The following ACSL5 variants were observed in gnomAD, a reference collection of about 807,000 sequenced individuals.
ACSL5 encodes long-chain-fatty-acid--CoA ligase 5.
Under a neutral mutation model 84.9 loss-of-function variants are expected in ACSL5, and 50 were observed. The observed-to-expected ratio is 0.59, with a 90% CI of 0.47 to 0.75. ACSL5 has a LOEUF of 0.75. ACSL5 is among the 30% of genes least tolerant of loss of function. The probability of loss-of-function intolerance (pLI) is 0.00; values close to 1 mark genes in which losing one functional copy is unlikely to be tolerated. For missense variants in ACSL5, 775 were observed against 830.4 expected (o/e 0.93, Z 0.82); for synonymous variants, 280 against 300.7 (o/e 0.93, Z 0.71).
intron 3 of ACSL5, among the ~76,000 whole-genome samples, chr10:112,403,325 T>C (rs564161496): frequency 2.0e-4 from 31 of 152,270 alleles, no homozygotes; most frequent in Non-Finnish European, 3.4e-4. Context: ...TTTGCTCTTG[T>C]TGCCCAGGCT....
At chr10:112,394,810 G>C in intron 1 of ACSL5, 108 bp from the exon 2 acceptor site, 1 of 1,468,314 alleles carries the variant, frequency 6.8e-7, no homozygotes, top group Non-Finnish European at 9.1e-7. Context: ...GCGTGCGCGC[G>C]TGTGTGTGTG....
rs536248129 is a variant in ACSL5 at position 112,383,004 on chromosome 10, C to T, written c.-30+8735C>T. On this transcript the variant is annotated intron_variant, in intron 1 of 20. Transcript: ENST00000354655. Reference sequence around the variant, plus strand: ...ACCTTCCCCACTGGGTGCCATGGCTCATGCCTGTAATCCCAGAACTTTAGG... The same window carrying T: ...ACCTTCCCCACTGGGTGCCATGGCTTATGCCTGTAATCCCAGAACTTTAGG... Among the ~76,000 whole-genome samples the T allele has an allele frequency of 4.6e-5, 7 of 152,324 alleles. 1 individual carries two copies. The highest frequency in any genetic ancestry group is 3.9e-4 in the Admixed American group (6 of 15,308).
At chr10:112,415,737 T>TA (rs1434043747) in intron 12 of ACSL5, among the ~76,000 whole-genome samples, 5 of 152,348 alleles carry the variant, frequency 3.3e-5, no homozygotes, top group African/African-American at 7.2e-5. Context: ...AAAATGGGGT[T>TA]ATAAACATGG....
chr10:112,426,523 C>G (rs1844723631), intron 19 of ACSL5, 164 bp downstream of exon 19: 2 of 635,018 alleles, frequency 3.1e-6, no homozygotes, highest in Non-Finnish European at 5.5e-6. Context: ...ATAAAACTCT[C>G]TTTTCTATTT....
Position 112,390,655 on chromosome 10 carries a change from AATAGATAGATAGATAG to A in ACSL5, c.-29-4233_-29-4218del, listed in dbSNP as rs56390024. On this transcript the variant is annotated intron_variant, in intron 1 of 20. Coordinates refer to ENST00000354655, the MANE Select transcript of ACSL5 (RefSeq NM_203379.2). ...ATATTCATCAACTGGTAGATAGATA[AATAGATAGATAGATAG>A]ATAGATAGATAGATAGATAGATAGA... 1.1e-3 allele frequency among the ~76,000 whole-genome samples: 159 copies of A among 149,570 alleles called. 1 individual carries two copies. The highest frequency in any genetic ancestry group is 2.6e-3 in the South Asian group (12 of 4,684).
rs140719406 is a variant in ACSL5, at chr10:112,399,405, C to G, written c.265+396C>G. Among the ~76,000 whole-genome samples, 453 of 152,252 alleles carry G rather than the reference C, an allele frequency of 3.0e-3. 1 individual carries two copies. The highest frequency in any genetic ancestry group is 0.024 in the Middle Eastern group (7 of 294). ...AAACATGCCTTTCATTAATGTAATT[C>G]CCTGCATTTACAGATAGACAATCTG... is the stretch of plus-strand genomic sequence containing the variant. On this transcript the variant is annotated intron_variant, in intron 3 of 20. Coordinates refer to ENST00000354655, the MANE Select transcript of ACSL5 (RefSeq NM_203379.2).
At chr10:112,422,864 A>G (rs1180382771) in intron 17 of ACSL5, among the ~76,000 whole-genome samples, 1 of 148,262 alleles carries the variant, frequency 6.7e-6, no homozygotes, top group Non-Finnish European at 1.5e-5. Flanking sequence ...AAAAAAAAAA[A>G]AAAGAACATA....
At chr10:112,380,818 G>C (rs1009933670) in intron 1 of ACSL5, among the ~76,000 whole-genome samples, 23 of 152,104 alleles carry the variant, frequency 1.5e-4, no homozygotes, top group Admixed American at 1.4e-3. Flanking sequence ...TGCACATCCA[G>C]GCTCCCAGGC....
chr10:112,401,002 C>T (rs1036686677), intron 3 of ACSL5, among the ~76,000 whole-genome samples: 4 of 151,944 alleles, frequency 2.6e-5, no homozygotes, highest in African/African-American at 9.7e-5. Context: ...AAACCAATAC[C>T]GTTGAAATAG....
intron 10 of ACSL5, 82 bp downstream of exon 10, chr10:112,411,611 GAC>G (rs931466410): frequency 1.2e-3 from 1,328 of 1,148,530 alleles, no homozygotes; most frequent in Middle Eastern, 1.8e-3. Context: ...AGAGCAGGCA[GAC>G]ACACACACAC....
At chr10:112,401,947 T>TTC (rs57651640) in intron 3 of ACSL5, among the ~76,000 whole-genome samples, 60,235 of 140,186 alleles carry the variant, frequency 0.43, 13,692 homozygotes, top group South Asian at 0.57. Flanking sequence ...TTCTCTTTCT[T>TTC]TCTCTCTCTC....
At chr10:112,426,453 G>A in intron 19 of ACSL5, 94 bp downstream of exon 19, 1 of 1,071,274 alleles carries the variant, frequency 9.3e-7, no homozygotes, top group Non-Finnish European at 1.4e-6. Flanking sequence ...ACAAGTGGCT[G>A]CAGCCCAAAC....
intron 13 of ACSL5, 73 bp from the exon 14 acceptor site, chr10:112,417,773 T>C (rs1173703384): frequency 1.7e-6 from 2 of 1,171,620 alleles, no homozygotes; most frequent in African/African-American, 1.5e-5. Flanking sequence ...CAGGCTATTA[T>C]ACCCACTCTA....
chr10:112,407,244 A>C (rs958231885), intron 5 of ACSL5, among the ~76,000 whole-genome samples: 1 of 151,936 alleles, frequency 6.6e-6, no homozygotes, highest in Non-Finnish European at 1.5e-5. Context: ...ATTTTTTGTG[A>C]GACGGAGTTT....
rs577159569 is a variant in ACSL5, at chr10:112,384,646, T to C, written c.-29-10272T>C. The stretch of plus-strand genomic sequence containing the variant: ...CCTCAGGCTCCCAGGTAGTGGGGAC[T>C]ACCGGCATGCACCGCCAAGCGAGGC... On this transcript the variant is annotated intron_variant, in intron 1 of 20. Coordinates refer to ENST00000354655, the MANE Select transcript of ACSL5 (RefSeq NM_203379.2). Among the ~76,000 whole-genome samples the C allele has an allele frequency of 3.9e-5, 6 of 152,284 alleles. No homozygotes were observed. In the East Asian group the frequency reaches 9.7e-4, roughly 25 times the overall value.
At chr10:112,392,903 A>G (rs1159533474) in intron 1 of ACSL5, among the ~76,000 whole-genome samples, 1 of 152,064 alleles carries the variant, frequency 6.6e-6, no homozygotes. Flanking sequence ...CAACAGAGTA[A>G]GACCGTGTCT....
rs981675683 is a variant in ACSL5, at chr10:112,428,214, C to G, written c.*856C>G. 1 of 374,166 alleles carries G rather than the reference C, an allele frequency of 2.7e-6. No individual in the cohort carries two copies. Among genetic ancestry groups the G allele is most frequent in the South Asian group, 1.5e-4 (1 of 6,738 alleles). The allele number at this position is 374,166 out of a possible 1,614,324, so 23.2% of individuals were successfully genotyped here. ...AACCTCCTGAACTGGGAACAAAGAT[C>G]TACAGGCAAGCAAGATGCCCACACA... On this transcript the variant is annotated 3_prime_UTR_variant, in exon 21 of 21. Coordinates refer to ENST00000354655, the MANE Select transcript of ACSL5 (RefSeq NM_203379.2).
At chr10:112,419,124 GTGTGTGTA>G (rs1193873414) in intron 14 of ACSL5, among the ~76,000 whole-genome samples, 2 of 147,172 alleles carry the variant, frequency 1.4e-5, no homozygotes, top group Non-Finnish European at 3.0e-5. Context: ...GTGTGTGTGT[GTGTGTGTA>G]ATAATGTATA....
At chr10:112,376,214 A>G in intron 1 of ACSL5, 1 of 1,502,024 alleles carries the variant, frequency 6.7e-7, no homozygotes, top group Non-Finnish European at 9.0e-7. Flanking sequence ...CAGGAAGTGA[A>G]GTCCCCGAGC....
Sources: gnomAD v4.1 joint callset for allele counts (sites outside exome capture counted in the v4.1 genomes callset) on GRCh38, gnomAD v4.1.1 for gene constraint, MANE v1.5 for transcripts, NCBI Gene and HGNC (gene_info 2026-07-23, HGNC 2026-07-21) for gene names.